The following BCAS3 variants were observed in gnomAD, a reference collection of about 807,000 sequenced individuals.
BCAS3 encodes the protein BCAS4/BCAS3 fusion.
Under a neutral mutation model 116.1 loss-of-function variants are expected in BCAS3, and 53 were observed. The observed-to-expected ratio is 0.46, with a 90% CI of 0.37 to 0.57. The LOEUF is 0.57. Among genes scored for constraint, BCAS3 ranks in the 20% least tolerant of loss-of-function variants. The probability of loss-of-function intolerance (pLI) is 0.00; values close to 1 mark genes in which losing one functional copy is unlikely to be tolerated. For missense variants in BCAS3, 917 were observed against 1,165.4 expected, an observed-to-expected ratio of 0.79 and a Z score of 3.10; for synonymous variants, 391 against 408.2, an observed-to-expected ratio of 0.96 and a Z score of 0.51.
At chr17:60,720,932 C>T (rs1434132708) in intron 5 of BCAS3, among the ~76,000 whole-genome samples, 1 of 152,078 alleles carries the variant, frequency 6.6e-6, no homozygotes, top group Non-Finnish European at 1.5e-5. Context: ...ACTTCAATGA[C>T]CTAACACTAG....
rs1292130025 is a variant in BCAS3, at chr17:61,239,679, G to C, written c.2426-128648G>C. Among the ~76,000 whole-genome samples, 1 of 152,082 alleles carries C rather than the reference G, an allele frequency of 6.6e-6. No individual in the cohort carries two copies. Among genetic ancestry groups the C allele is most frequent in the Admixed American group, 6.6e-5 (1 of 15,262 alleles). On this transcript the variant is annotated intron_variant, in intron 22 of 23. Transcript: ENST00000407086. The surrounding 1 kb of genome is among the most constrained non-coding windows in gnomAD (Gnocchi z 4.2). ...AGATCATGCTAAAAGTATTAAAGTT[G>C]GCTTTCAGAGATTAGTTTTTTCCTA...
chr17:61,288,466 T>C (rs1023703532), intron 22 of BCAS3, among the ~76,000 whole-genome samples: 2 of 152,192 alleles, frequency 1.3e-5, no homozygotes, highest in African/African-American at 2.4e-5. Flanking sequence ...CTGCTATAGA[T>C]TGTCCTAGCT....
chr17:61,223,323 A>AT (rs369768297), intron 22 of BCAS3, among the ~76,000 whole-genome samples: 3 of 149,964 alleles, frequency 2.0e-5, no homozygotes, highest in Non-Finnish European at 3.0e-5. Flanking sequence ...CGCCTGGCTA[A>AT]TTTTTTTTTG....
intron 7 of BCAS3, among the ~76,000 whole-genome samples, chr17:60,854,510 C>A (rs1038767192): frequency 7.2e-5 from 11 of 152,108 alleles, no homozygotes; most frequent in Admixed American, 1.3e-4. Context: ...AAGAAAAAAA[C>A]AACCCCATCA....
At chr17:61,234,152 G>GTC (rs1427757164) in intron 22 of BCAS3, among the ~76,000 whole-genome samples, 4 of 152,132 alleles carry the variant, frequency 2.6e-5, no homozygotes, top group Non-Finnish European at 5.9e-5. Flanking sequence ...CCCTTCCTCT[G>GTC]TCCCAGAATG....
intron 22 of BCAS3, among the ~76,000 whole-genome samples, chr17:61,291,031 T>C (rs1023964558): frequency 1.1e-4 from 16 of 152,180 alleles, no homozygotes; most frequent in East Asian, 1.9e-4. Flanking sequence ...CCACCCGCCT[T>C]GGCCTCCCAA....
intron 14 of BCAS3, among the ~76,000 whole-genome samples, chr17:60,989,059 A>G (rs1175333845): frequency 1.3e-5 from 2 of 151,844 alleles, no homozygotes. Context: ...CTGTATCCAT[A>G]TATATATTTT....
intron 6 of BCAS3, among the ~76,000 whole-genome samples, chr17:60,796,057 C>A (rs947652538): frequency 2.0e-5 from 3 of 152,166 alleles, no homozygotes; most frequent in South Asian, 2.1e-4. Flanking sequence ...GTTAAACCAT[C>A]CCTGCATCCC....
At chr17:61,314,426 C>A (rs1409840779) in intron 22 of BCAS3, among the ~76,000 whole-genome samples, 3 of 152,214 alleles carry the variant, frequency 2.0e-5, no homozygotes, top group Non-Finnish European at 4.4e-5. Context: ...GGGCCTTCAC[C>A]ATCTGACCGC....
At chr17:60,814,125 A>G (rs1361926397) in intron 7 of BCAS3, among the ~76,000 whole-genome samples, 9 of 152,004 alleles carry the variant, frequency 5.9e-5, no homozygotes, top group Non-Finnish European at 1.3e-4. Flanking sequence ...GGGTAGTTTG[A>G]CCATTTTAAC....
At chr17:60,783,185 T>C (rs1341531269) in intron 6 of BCAS3, among the ~76,000 whole-genome samples, 3 of 152,156 alleles carry the variant, frequency 2.0e-5, no homozygotes, top group Non-Finnish European at 4.4e-5. Flanking sequence ...AGTTTTTCAA[T>C]CAACAGTTTG....
At chr17:60,723,812 A>G (rs1384384650) in intron 5 of BCAS3, among the ~76,000 whole-genome samples, 5 of 135,664 alleles carry the variant, frequency 3.7e-5, no homozygotes, top group Non-Finnish European at 7.6e-5. Context: ...TCTGCCTCCC[A>G]GGTTCAAGTG....
intron 14 of BCAS3, among the ~76,000 whole-genome samples, chr17:60,955,840 G>A (rs1281184439): frequency 6.6e-6 from 1 of 152,084 alleles, no homozygotes; most frequent in African/African-American, 2.4e-5. Context: ...ATTATGATTA[G>A]ATTTAGCTTA....
Position 61,291,002 on chromosome 17 carries a change from G to A in BCAS3, c.2426-77325G>A, listed in dbSNP as rs185102024. Reference sequence around the variant, plus strand: ...TCACCATGTTAGCCAGGATGATCTCGATCTCCTGACCTCATAATCCACCCG... The same window carrying A: ...TCACCATGTTAGCCAGGATGATCTCAATCTCCTGACCTCATAATCCACCCG... On this transcript the variant is annotated intron_variant, in intron 22 of 23. Coordinates refer to ENST00000407086, the MANE Select transcript of BCAS3 (RefSeq NM_017679.5). Among the ~76,000 whole-genome samples, 534 of 152,076 alleles carry A rather than the reference G, an allele frequency of 3.5e-3. 4 individuals carry two copies. Among genetic ancestry groups the A allele is most frequent in the South Asian group, 0.012 (56 of 4,824 alleles).
intron 5 of BCAS3, among the ~76,000 whole-genome samples, chr17:60,742,736 C>G (rs540028307): frequency 3.3e-5 from 5 of 151,912 alleles, no homozygotes; most frequent in Non-Finnish European, 7.4e-5. Flanking sequence ...GCCTGGCCTC[C>G]TTGACATCTT....
chr17:61,116,704 A>G (rs561952998), intron 22 of BCAS3, among the ~76,000 whole-genome samples: 2 of 152,226 alleles, frequency 1.3e-5, no homozygotes, highest in South Asian at 2.1e-4. Context: ...GTCTTCCTTC[A>G]TGTGAAAATG....
At chr17:60,971,779 G>A (rs185648892) in intron 14 of BCAS3, among the ~76,000 whole-genome samples, 1 of 152,288 alleles carries the variant, frequency 6.6e-6, no homozygotes, top group East Asian at 1.9e-4. Flanking sequence ...TTGAATAGCG[G>A]TCCCTGTTGG....
At chr17:60,747,150 G>A (rs758664230) in intron 5 of BCAS3, 48 bp from the exon 6 acceptor site, 3 of 1,320,820 alleles carry the variant, frequency 2.3e-6, no homozygotes, top group African/African-American at 2.9e-5. Flanking sequence ...TAATACTGTT[G>A]TGACCTTCAT....
intron 19 of BCAS3, among the ~76,000 whole-genome samples, chr17:61,042,007 G>T (rs1242376620): frequency 3.3e-5 from 5 of 152,006 alleles, no homozygotes; most frequent in Non-Finnish European, 7.4e-5. Context: ...TCAGTGGAGG[G>T]TTATAAATTG....
Sources: allele counts gnomAD v4.1 joint callset (sites outside exome capture counted in the v4.1 genomes callset), GRCh38; gene constraint gnomAD v4.1.1; non-coding constraint Gnocchi (gnomAD v3.1); transcripts MANE v1.5; gene names NCBI Gene and HGNC (gene_info 2026-07-23, HGNC 2026-07-21).